HPRT1: variants seen among roughly 807,000 people sequenced by gnomAD.
The protein encoded by HPRT1 is hypoxanthine-guanine phosphoribosyltransferase.
A neutral mutation model predicts 19.0 loss-of-function variants in HPRT1; 4 were observed. The observed-to-expected ratio is 0.21, with a 90% CI of 0.10 to 0.48. HPRT1 has a LOEUF of 0.48. Ranked by LOEUF, HPRT1 falls within the 20% of genes least tolerant of loss-of-function variation. The pLI, the probability that HPRT1 is intolerant of heterozygous loss-of-function variation, is 0.98. For synonymous variants in HPRT1, 53 were observed against 54.9 expected (o/e 0.97, Z 0.15); for missense variants, 65 against 164.0 (o/e 0.40, Z 3.30).
intron 1 of HPRT1, among the ~76,000 whole-genome samples, chrX:134,461,549 T>C (rs962696555): frequency 2.7e-5 from 3 of 112,270 alleles, no homozygotes; most frequent in Non-Finnish European, 5.6e-5. Flanking sequence ...TTAAGTCATT[T>C]TATGTATATC....
intron 1 of HPRT1, among the ~76,000 whole-genome samples, chrX:134,472,451 C>T (rs1004730478): frequency 2.7e-5 from 3 of 112,216 alleles, no homozygotes; most frequent in African/African-American, 9.7e-5. Flanking sequence ...TTTGTCTTAG[C>T]TCTTTAAAAT....
chrX:134,490,216 A>G lies in HPRT1; in HGVS notation c.402+11A>G. ...GTCTTGATTGTGGAAGTAAGTTCAC[A>G]TTTACTTTTAATATAACATTTATGA... On this transcript the variant is annotated intron_variant, in intron 5 of 8. Transcript: ENST00000298556. 1 of 988,142 alleles carries G rather than the reference A, an allele frequency of 1.0e-6. No individual in the cohort carries two copies. Among genetic ancestry groups the G allele is most frequent in the Non-Finnish European group, 1.4e-6 (1 of 700,728 alleles). The allele number at this position is 988,142 out of a possible 1,213,427, so 81.4% of individuals were successfully genotyped here.
At chrX:134,469,585 T>A (rs1283851764) in intron 1 of HPRT1, among the ~76,000 whole-genome samples, 1 of 112,001 alleles carries the variant, frequency 8.9e-6, no homozygotes, top group African/African-American at 3.2e-5. Flanking sequence ...TCTTAGTCGA[T>A]CTGCAGAACC....
chrX:134,499,908 G>GTA, intron 8 of HPRT1, 122 bp from the exon 9 acceptor site: 1 of 516,483 alleles, frequency 1.9e-6, no homozygotes, highest in Non-Finnish European at 3.5e-6. Flanking sequence ...AAATACAGTA[G>GTA]TACTATCTCT....
At chrX:134,477,350 C>T (rs953328821) in intron 3 of HPRT1, among the ~76,000 whole-genome samples, 26 of 109,720 alleles carry the variant, frequency 2.4e-4, no homozygotes, top group Non-Finnish European at 3.8e-4. Flanking sequence ...CATGAGCCAC[C>T]GTGCCCGGCC....
chrX:134,480,890 A>C (rs1235324565), intron 3 of HPRT1, among the ~76,000 whole-genome samples: 13 of 105,993 alleles, frequency 1.2e-4, no homozygotes, highest in African/African-American at 4.5e-4. Flanking sequence ...TAGTGACTTG[A>C]TTAGGCTCTG....
chrX:134,485,228 CAGAT>C (rs2077649806), intron 3 of HPRT1, among the ~76,000 whole-genome samples: 1 of 112,052 alleles, frequency 8.9e-6, no homozygotes, highest in South Asian at 3.7e-4. Flanking sequence ...GTTTGTTTCT[CAGAT>C]AGATATAATT....
chrX:134,484,215 G>T (rs775354889), intron 3 of HPRT1, among the ~76,000 whole-genome samples: 3 of 112,122 alleles, frequency 2.7e-5, no homozygotes, highest in Non-Finnish European at 3.8e-5. Flanking sequence ...ACTGGAGTTG[G>T]ACTGTAATAC....
intron 6 of HPRT1, among the ~76,000 whole-genome samples, chrX:134,493,955 G>A (rs1435018118): frequency 8.9e-6 from 1 of 112,017 alleles, no homozygotes; most frequent in African/African-American, 3.2e-5. Context: ...TCCTGGAATT[G>A]AGTGATGAAT....
chrX:134,465,507 C>T (rs2077594631), intron 1 of HPRT1, among the ~76,000 whole-genome samples: 1 of 111,763 alleles, frequency 8.9e-6, no homozygotes, highest in South Asian at 3.6e-4. Flanking sequence ...GCCAGTTTTA[C>T]TGGAAAGTAA....
At chrX:134,494,275 A>T (rs747863638) in intron 6 of HPRT1, among the ~76,000 whole-genome samples, 1 of 112,397 alleles carries the variant, frequency 8.9e-6, no homozygotes, top group African/African-American at 3.2e-5. Flanking sequence ...AGTTTTTAAT[A>T]GAGTGACATC....
At chrX:134,492,004 CAT>C (rs1343194437) in intron 5 of HPRT1, among the ~76,000 whole-genome samples, 4 of 95,683 alleles carry the variant, frequency 4.2e-5, no homozygotes, top group African/African-American at 1.2e-4. Context: ...TATATACACA[CAT>C]ATATAAATAT....
intron 5 of HPRT1, among the ~76,000 whole-genome samples, chrX:134,490,977 CCT>C (rs755918860): frequency 4.0e-3 from 370 of 91,376 alleles, no homozygotes; most frequent in African/African-American, 6.5e-3. Context: ...TCACTAACAG[CCT>C]CTCTCTCTCT....
intron 1 of HPRT1, among the ~76,000 whole-genome samples, chrX:134,469,401 A>C (rs1053023471): frequency 9.0e-6 from 1 of 111,417 alleles, no homozygotes; most frequent in African/African-American, 3.3e-5. Flanking sequence ...ACTTCTTGAC[A>C]TAAGTATGGT....
At chrX:134,467,102 G>C (rs1222828820) in intron 1 of HPRT1, among the ~76,000 whole-genome samples, 2 of 95,312 alleles carry the variant, frequency 2.1e-5, no homozygotes, top group Admixed American at 2.5e-4. Flanking sequence ...CTGAAGTGGA[G>C]TGCAGTGGCA....
intron 4 of HPRT1, among the ~76,000 whole-genome samples, chrX:134,489,341 C>G (rs1305744381): frequency 1.8e-5 from 2 of 111,478 alleles, no homozygotes; most frequent in Non-Finnish European, 3.8e-5. Context: ...TTTAAAAGTT[C>G]TAATCTTTCT....
intron 2 of HPRT1, among the ~76,000 whole-genome samples, chrX:134,473,732 C>A (rs1602740399): frequency 1.8e-5 from 2 of 111,838 alleles, no homozygotes; most frequent in South Asian, 7.5e-4. Context: ...CAGAGTCTTG[C>A]ATTTCTCAGT....
chrX:134,493,096 TATTA>T (rs2077671847), intron 5 of HPRT1, among the ~76,000 whole-genome samples: 1 of 112,189 alleles, frequency 8.9e-6, no homozygotes, highest in Admixed American at 9.5e-5. Context: ...TTTATAGCGT[TATTA>T]ATTTGGGTGC....
chrX:134,481,891 T>C (rs1026482730), intron 3 of HPRT1, among the ~76,000 whole-genome samples: 1 of 111,839 alleles, frequency 8.9e-6, no homozygotes, highest in Non-Finnish European at 1.9e-5. Context: ...TCATCTGTTA[T>C]ACAGCCATGA....
Sources: gnomAD v4.1 joint callset for allele counts (sites outside exome capture counted in the v4.1 genomes callset) on GRCh38, gnomAD v4.1.1 for gene constraint, MANE v1.5 for transcripts, NCBI Gene and HGNC (gene_info 2026-07-23, HGNC 2026-07-21) for gene names.